The following ABHD6 variants were observed in gnomAD, a reference collection of about 807,000 sequenced individuals.
ABHD6 encodes the protein abhydrolase domain containing 6, acylglycerol lipase.
A neutral mutation model predicts 38.8 loss-of-function variants in ABHD6; 33 were observed. The ratio of observed to expected loss-of-function variants is 0.85; its 90% CI spans 0.64 to 1.14. The LOEUF is 1.14. Ranked by LOEUF, ABHD6 falls within the 50% of genes most tolerant of loss-of-function variation. ABHD6 has a pLI of 0.00. For missense variants in ABHD6, 380 were observed against 422.6 expected (o/e 0.90, Z 0.88); for synonymous variants, 147 against 161.6 (o/e 0.91, Z 0.69).
At position 58,257,707 on chromosome 3, in the gene ABHD6, G is replaced by A. The variant is rs543661807; in HGVS notation, c.119+1002G>A. On this transcript the variant is annotated intron_variant, in intron 3 of 9. Coordinates refer to ENST00000478253, the MANE Select transcript of ABHD6 (RefSeq NM_001320126.2). The surrounding 1 kb of genome is among the most constrained non-coding windows in gnomAD (Gnocchi z 4.8). The stretch of plus-strand genomic sequence containing the variant: ...CCTGTGATGTCCTGACAGGTGCAGC[G>A]ATGTCACTGAAAAATGAACAAGAAA... Among the ~76,000 whole-genome samples the A allele has an allele frequency of 6.6e-6, 1 of 152,188 alleles. No homozygotes were observed.
chr3:58,254,690 A>G, intron 2 of ABHD6, among the ~76,000 whole-genome samples: 1 of 152,274 alleles, frequency 6.6e-6, no homozygotes, highest in African/African-American at 2.4e-5. Context: ...CACTTAGCAC[A>G]GATGGCAGGG....
Position 58,274,705 on chromosome 3 carries a change from C to T in ABHD6, c.571C>T (p.Leu191=), listed in dbSNP as rs761447033. The T allele has an allele frequency of 1.2e-6, 2 of 1,614,250 alleles. No homozygotes were observed. Among genetic ancestry groups the T allele is most frequent in the South Asian group, 1.1e-5 (1 of 91,086 alleles). ...TCAATTTGTACAACGGCTCAAAGAA[C>T]TGCAGGGCTCTGCCGCCGTGGAGAA... ...DNQFVQRLKE[L]QGSAAVEKIP... Residue 191 remains leucine, a synonymous_variant, in exon 7 of 10, where the codon CTG becomes TTG. Coordinates refer to ENST00000478253, the MANE Select transcript of ABHD6 (RefSeq NM_001320126.2).
At chr3:58,286,874 A>ATATATATG (rs1559784540) in intron 9 of ABHD6, among the ~76,000 whole-genome samples, 1 of 134,798 alleles carries the variant, frequency 7.4e-6, no homozygotes, top group South Asian at 2.5e-4. Context: ...ATATATGTAT[A>ATATATATG]TGTATATATA....
At chr3:58,252,779 G>A (rs1048626817) in intron 2 of ABHD6, among the ~76,000 whole-genome samples, 1 of 152,144 alleles carries the variant, frequency 6.6e-6, no homozygotes, top group Non-Finnish European at 1.5e-5. Context: ...GCTTCAGTTT[G>A]TTCTGCCTCC....
At chr3:58,276,480 A>G (rs1321309832) in intron 7 of ABHD6, among the ~76,000 whole-genome samples, 1 of 151,810 alleles carries the variant, frequency 6.6e-6, no homozygotes, top group Non-Finnish European at 1.5e-5. Flanking sequence ...TTTCTGATAA[A>G]TTTGTTTGAG....
chr3:58,274,932 G>T, intron 7 of ABHD6, 117 bp downstream of exon 7: 1 of 1,264,576 alleles, frequency 7.9e-7, no homozygotes, highest in Admixed American at 2.2e-5. Flanking sequence ...GTCCTCTTCT[G>T]CATATATTCA....
chr3:58,250,135 A>G (rs2097428949), intron 2 of ABHD6, among the ~76,000 whole-genome samples, 193 bp downstream of exon 2: 1 of 152,174 alleles, frequency 6.6e-6, no homozygotes, highest in African/African-American at 2.4e-5. Context: ...ACACCCTAAA[A>G]GCCCCCTGCA....
Position 58,274,730 on chromosome 3 carries a change from A to G in ABHD6, c.596A>G (p.Lys199Arg), listed in dbSNP as rs752873832. ...KELQGSAAVE[K>R]IPLIPSTPEE... is the part of the protein sequence containing the mutation. Reference sequence around the variant, plus strand: ...CTGCAGGGCTCTGCCGCCGTGGAGAAGATTCCCTTGATCCCGTCTACCCCA... The same window carrying G: ...CTGCAGGGCTCTGCCGCCGTGGAGAGGATTCCCTTGATCCCGTCTACCCCA... The change falls in exon 7 of 10, where the codon AAG becomes AGG. Residue 199 changes from lysine (K) to arginine (R), a missense_variant. Transcript: ENST00000478253. 1 of 1,614,236 alleles carries G rather than the reference A, an allele frequency of 6.2e-7. No individual in the cohort carries two copies. Among genetic ancestry groups the G allele is most frequent in the Non-Finnish European group, 8.5e-7 (1 of 1,180,038 alleles).
At chr3:58,280,084 G>A (rs1368478769) in intron 7 of ABHD6, among the ~76,000 whole-genome samples, 1 of 152,048 alleles carries the variant, frequency 6.6e-6, no homozygotes, top group East Asian at 1.9e-4. Context: ...TGCTATTCTC[G>A]AGTAGTATCT....
rs1353340902 is a variant in ABHD6 at position 58,264,428 on chromosome 3, CACACACACACACACACATAT to C, written c.120-2760_120-2741del. Among the ~76,000 whole-genome samples, 20 of 130,926 alleles carry C rather than the reference CACACACACACACACACATAT, an allele frequency of 1.5e-4. 1 individual carries two copies. Among genetic ancestry groups the C allele is most frequent in the Admixed American group, 1.3e-3 (18 of 13,518 alleles). The allele number at this position is 130,926 out of a possible 152,430, so 85.9% of individuals were successfully genotyped here. Reference sequence around the variant, plus strand: ...ACACACACACACACACACACACACACACACACACACACACACATATGCCAGGTGCAGTGGCTCAGTGGCAG... The same window carrying C: ...ACACACACACACACACACACACACACGCCAGGTGCAGTGGCTCAGTGGCAG... On this transcript the variant is annotated intron_variant, in intron 3 of 9. Coordinates refer to ENST00000478253, the MANE Select transcript of ABHD6 (RefSeq NM_001320126.2).
chr3:58,252,807 C>T (rs1162678266), intron 2 of ABHD6, among the ~76,000 whole-genome samples: 3 of 152,160 alleles, frequency 2.0e-5, no homozygotes, highest in Admixed American at 6.5e-5. Context: ...CCCTGGGGTA[C>T]ATAGAGTACT....
Position 58,281,931 on chromosome 3 carries a change from C to T in ABHD6, c.682-3154C>T, listed in dbSNP as rs535353770. The stretch of plus-strand genomic sequence containing the variant: ...AGGAGTTCAAGACCAGCCTGGTCAA[C>T]GTAGCGAGACCCCATCTCTATTTAA... On this transcript the variant is annotated intron_variant, in intron 7 of 9. Coordinates refer to ENST00000478253, the MANE Select transcript of ABHD6 (RefSeq NM_001320126.2). Among the ~76,000 whole-genome samples, 33 of 152,128 alleles carry T rather than the reference C, an allele frequency of 2.2e-4. No homozygotes were observed. In the East Asian group the frequency reaches 5.8e-3, roughly 27 times the overall value.
chr3:58,289,629 C>T (rs999301006), intron 9 of ABHD6, among the ~76,000 whole-genome samples: 24 of 152,328 alleles, frequency 1.6e-4, no homozygotes, highest in Middle Eastern at 3.4e-3. Context: ...TCTCCCATGT[C>T]TACCTCTTTC....
chr3:58,249,370 C>T (rs556459192), intron 1 of ABHD6, among the ~76,000 whole-genome samples: 3 of 152,152 alleles, frequency 2.0e-5, no homozygotes, highest in Admixed American at 1.3e-4. Context: ...CTTTGCTCAT[C>T]TCATTCTCTT....
rs1346968816 is a variant in ABHD6 at position 58,285,711 on chromosome 3, C to A, written c.837+258C>A. 6.6e-6 allele frequency among the ~76,000 whole-genome samples: 1 copy of A among 152,174 alleles called. No homozygotes were observed. The highest frequency in any genetic ancestry group is 1.5e-5 in the Non-Finnish European group (1 of 68,032). On this transcript the variant is annotated intron_variant, in intron 9 of 9. Coordinates refer to ENST00000478253, the MANE Select transcript of ABHD6 (RefSeq NM_001320126.2). The surrounding 1 kb of genome is among the most constrained non-coding windows in gnomAD (Gnocchi z 4.9). ...ATTGTTTTTATCAAAGCCATGTAGTCACATGGTATAAAAAGATCTTCAAAG... is the reference window on the plus strand; with the variant it reads ...ATTGTTTTTATCAAAGCCATGTAGTAACATGGTATAAAAAGATCTTCAAAG...
intron 3 of ABHD6, among the ~76,000 whole-genome samples, chr3:58,261,706 G>A (rs1276630342): frequency 2.0e-5 from 3 of 152,158 alleles, no homozygotes; most frequent in Non-Finnish European, 4.4e-5. Flanking sequence ...GAAAATAAGT[G>A]TTGGTGAGGA....
chr3:58,243,078 T>C (rs1303442686), intron 1 of ABHD6, among the ~76,000 whole-genome samples: 7 of 152,180 alleles, frequency 4.6e-5, no homozygotes, highest in Non-Finnish European at 1.5e-5. Flanking sequence ...TGCATAGTAT[T>C]CCATGGTGTA....
At chr3:58,281,884 G>A (rs1176043111) in intron 7 of ABHD6, among the ~76,000 whole-genome samples, 1 of 152,210 alleles carries the variant, frequency 6.6e-6, no homozygotes. Context: ...GGGAGGCCAA[G>A]ATGGGAGGAT....
In ABHD6 at chr3:58,267,174, T is replaced by C. The variant is rs1484150803; in HGVS notation, c.120-15T>C. The C allele has an allele frequency of 6.2e-7, 1 of 1,613,094 alleles. No individual in the cohort carries two copies. The highest frequency in any genetic ancestry group is 8.5e-7 in the Non-Finnish European group (1 of 1,179,482). On this transcript the variant is annotated splice_polypyrimidine_tract_variant and intron_variant, in intron 3 of 9. Coordinates refer to ENST00000478253, the MANE Select transcript of ABHD6 (RefSeq NM_001320126.2). The surrounding 1 kb of genome is among the most constrained non-coding windows in gnomAD (Gnocchi z 4.3). The stretch of plus-strand genomic sequence containing the variant: ...TTACTGATTTCGTTTTGTCTTTATT[T>C]CTCACCCCTTCCAGGTACTGGCGGA...
Sources: gnomAD v4.1 joint callset for allele counts (sites outside exome capture counted in the v4.1 genomes callset) on GRCh38, gnomAD v4.1.1 for gene constraint, Gnocchi (gnomAD v3.1) non-coding constraint, MANE v1.5 for transcripts, NCBI Gene and HGNC (gene_info 2026-07-23, HGNC 2026-07-21) for gene names.